SPHKAP: variants seen among roughly 807,000 people sequenced by gnomAD.
SPHKAP encodes the protein A-kinase anchor protein SPHKAP.
A neutral mutation model predicts 137.5 loss-of-function variants in SPHKAP; 67 were observed. The ratio of observed to expected loss-of-function variants is 0.49; its 90% CI spans 0.40 to 0.60. The LOEUF is 0.60. Among genes scored for constraint, SPHKAP ranks in the 20% least tolerant of loss-of-function variants. The pLI, the probability that SPHKAP is intolerant of heterozygous loss-of-function variation, is 0.00. For synonymous variants in SPHKAP, 813 were observed against 785.3 expected, an observed-to-expected ratio of 1.04 and a Z score of -0.59; for missense variants, 2,097 against 2,069.3, an observed-to-expected ratio of 1.01 and a Z score of -0.26.
chr2:228,128,398 A>G (rs1225005821), intron 2 of SPHKAP, among the ~76,000 whole-genome samples: 6 of 152,180 alleles, frequency 3.9e-5, no homozygotes, highest in Non-Finnish European at 7.4e-5. Context: ...CAATTCAGTC[A>G]TTCTTCAGGC....
intron 7 of SPHKAP, among the ~76,000 whole-genome samples, chr2:228,001,950 T>G (rs1445058818): frequency 6.6e-6 from 1 of 152,238 alleles, no homozygotes; most frequent in East Asian, 1.9e-4. Context: ...GTGCCACATT[T>G]TCTTAATCCA....
At chr2:228,151,445 A>AC (rs1175370168) in intron 1 of SPHKAP, among the ~76,000 whole-genome samples, 11 of 152,188 alleles carry the variant, frequency 7.2e-5, no homozygotes, top group East Asian at 3.9e-4. Flanking sequence ...TTGGGTATAT[A>AC]CCAGTAATGG....
rs1312746748 is a variant in SPHKAP at position 228,018,773 on chromosome 2, T to C, written c.2081A>G (p.Asp694Gly). The C allele has an allele frequency of 6.2e-7, 1 of 1,614,212 alleles. No homozygotes were observed. Among genetic ancestry groups the C allele is most frequent in the East Asian group, 2.2e-5 (1 of 44,884 alleles). The change falls in exon 7 of 12, where the codon GAC becomes GGC. Residue 694 changes from aspartate (D) to glycine (G), a missense_variant. By Grantham distance (94) the Asp-to-Gly change is moderately conservative. Transcript: ENST00000392056. ...HHKNMIIDPNDNRHSSEILDT... is the reference protein window; with the variant it reads ...HHKNMIIDPNGNRHSSEILDT... Reference sequence around the variant, plus strand: ...CAGAATTTCAGATGAATGCCTGTTGTCATTGGGGTCGATTATCATATTTTT... The same window carrying C: ...CAGAATTTCAGATGAATGCCTGTTGCCATTGGGGTCGATTATCATATTTTT...
In SPHKAP at chr2:228,181,102, C is replaced by G. The variant is rs1413383802; in HGVS notation, c.32+465G>C. Among the ~76,000 whole-genome samples, 1 of 152,034 alleles carries G rather than the reference C, an allele frequency of 6.6e-6. No individual in the cohort carries two copies. The highest frequency in any genetic ancestry group is 1.9e-4 in the East Asian group (1 of 5,140). On this transcript the variant is annotated intron_variant, in intron 1 of 11. Coordinates refer to ENST00000392056, the MANE Select transcript of SPHKAP (RefSeq NM_001142644.2). This position sits in a 1 kb window ranked among gnomAD's most constrained non-coding sequence, Gnocchi z 4.3. ...TCGGTCGGGGGTGAGGGACAATCTTCCCCACCCCAGCAGCCCCAGACACCC... is the reference window on the plus strand; with the variant it reads ...TCGGTCGGGGGTGAGGGACAATCTTGCCCACCCCAGCAGCCCCAGACACCC...
chr2:228,032,550 G>A (rs528875117), intron 3 of SPHKAP, among the ~76,000 whole-genome samples: 15 of 152,052 alleles, frequency 9.9e-5, no homozygotes, highest in African/African-American at 2.9e-4. Flanking sequence ...GATACTCCTC[G>A]AGAAGAGCAA....
At chr2:228,048,771 A>G (rs908953779) in intron 3 of SPHKAP, among the ~76,000 whole-genome samples, 1 of 152,082 alleles carries the variant, frequency 6.6e-6, no homozygotes, top group Non-Finnish European at 1.5e-5. Flanking sequence ...TCATTTCTTC[A>G]TATGTCTGTG....
rs1203786818 is a variant in SPHKAP at position 228,019,689 on chromosome 2, C to T, written c.1165G>A (p.Gly389Ser). 6.2e-7 allele frequency: 1 copy of T among 1,614,168 alleles called. No individual in the cohort carries two copies. Among genetic ancestry groups the T allele is most frequent in the South Asian group, 1.1e-5 (1 of 91,074 alleles). ...PPRQDGEVTT[G>S]KYATNLAESV... Reference sequence around the variant, plus strand: ...TCTGCTAAATTTGTAGCATACTTGCCAGTGGTGACTTCTCCATCTTGTCTA... The same window carrying T: ...TCTGCTAAATTTGTAGCATACTTGCTAGTGGTGACTTCTCCATCTTGTCTA... Residue 389 changes from glycine to serine, a missense_variant, in exon 7 of 12, where the codon GGC becomes AGC. Transcript: ENST00000392056.
At chr2:228,055,142 CAA>C (rs58091970) in intron 3 of SPHKAP, among the ~76,000 whole-genome samples, 3 of 61,308 alleles carry the variant, frequency 4.9e-5, no homozygotes, top group African/African-American at 1.1e-4. Context: ...AACTCCACTC[CAA>C]AAAAAAAAAA....
intron 3 of SPHKAP, among the ~76,000 whole-genome samples, chr2:228,097,105 T>C (rs1444128997): frequency 6.6e-6 from 1 of 152,222 alleles, no homozygotes; most frequent in Admixed American, 6.5e-5. Flanking sequence ...ATGTAGTCAG[T>C]ATCCTTGAAG....
intron 2 of SPHKAP, among the ~76,000 whole-genome samples, chr2:228,114,900 G>A (rs1415851329): frequency 6.6e-6 from 1 of 152,106 alleles, no homozygotes; most frequent in Non-Finnish European, 1.5e-5. Context: ...CAAGCACTCT[G>A]ACTGTGATAA....
chr2:228,172,270 A>G (rs1455438521), intron 1 of SPHKAP, among the ~76,000 whole-genome samples: 6 of 152,176 alleles, frequency 3.9e-5, no homozygotes, highest in African/African-American at 1.4e-4. Flanking sequence ...GGACTATGAA[A>G]TGGGCAATGT....
intron 1 of SPHKAP, among the ~76,000 whole-genome samples, chr2:228,134,621 G>T (rs1699378096): frequency 6.6e-6 from 1 of 152,168 alleles, no homozygotes; most frequent in Non-Finnish European, 1.5e-5. Flanking sequence ...ATTATTGTTA[G>T]GTTCTAAATA....
At chr2:228,169,754 C>T (rs892138139) in intron 1 of SPHKAP, 6 of 151,904 alleles carry the variant, frequency 3.9e-5, no homozygotes, top group African/African-American at 1.5e-4. Context: ...TGCTTGCTTA[C>T]ACAGCATGTT....
chr2:228,021,121 C>G (rs531054237), intron 6 of SPHKAP, among the ~76,000 whole-genome samples: 1 of 152,152 alleles, frequency 6.6e-6, no homozygotes, highest in African/African-American at 2.4e-5. Flanking sequence ...GGAGGAGGAA[C>G]GCATTGTTCA....
chr2:227,987,264 T>C (rs1200793449), intron 11 of SPHKAP, among the ~76,000 whole-genome samples: 1 of 152,220 alleles, frequency 6.6e-6, no homozygotes, highest in Non-Finnish European at 1.5e-5. Flanking sequence ...CCCACATGGC[T>C]CATGGTAACA....
chr2:228,080,364 T>C (rs1349700524), intron 3 of SPHKAP, among the ~76,000 whole-genome samples: 1 of 152,186 alleles, frequency 6.6e-6, no homozygotes, highest in East Asian at 1.9e-4. Flanking sequence ...ACAACAAGTA[T>C]ATGAACAAAA....
chr2:228,157,132 T>C (rs1023075080), intron 1 of SPHKAP, among the ~76,000 whole-genome samples: 3 of 151,832 alleles, frequency 2.0e-5, no homozygotes, highest in Non-Finnish European at 4.4e-5. Context: ...ATGTAAGATA[T>C]GAAGGAAAAT....
At chr2:228,066,362 G>T (rs1157122950) in intron 3 of SPHKAP, among the ~76,000 whole-genome samples, 2 of 152,124 alleles carry the variant, frequency 1.3e-5, no homozygotes, top group African/African-American at 4.8e-5. Context: ...TGACTTCATT[G>T]TCAGCCACAG....
intron 3 of SPHKAP, among the ~76,000 whole-genome samples, chr2:228,078,492 G>A (rs565550365): frequency 7.3e-5 from 11 of 151,402 alleles, no homozygotes; most frequent in African/African-American, 2.2e-4. Flanking sequence ...TGTAGGAGTC[G>A]TAGACAATAA....
Sources: allele counts gnomAD v4.1 joint callset (sites outside exome capture counted in the v4.1 genomes callset), GRCh38; gene constraint gnomAD v4.1.1; non-coding constraint Gnocchi (gnomAD v3.1); transcripts MANE v1.5; gene names NCBI Gene and HGNC (gene_info 2026-07-23, HGNC 2026-07-21).